The following ACADSB variants were observed in gnomAD, a reference collection of about 807,000 sequenced individuals.
ACADSB encodes short/branched chain specific acyl-CoA dehydrogenase, mitochondrial.
Under a neutral mutation model 54.1 loss-of-function variants are expected in ACADSB, and 40 were observed. The observed-to-expected ratio is 0.74, with a 90% CI of 0.57 to 0.96. ACADSB has a LOEUF of 0.96. Among genes scored for constraint, ACADSB ranks in the 40% least tolerant of loss-of-function variants. ACADSB has a pLI of 0.00. For synonymous variants in ACADSB, 182 were observed against 182.8 expected (o/e 1.00, Z 0.03); for missense variants, 530 against 510.4 (o/e 1.04, Z -0.37).
chr10:123,010,528 G>A (rs968140200), intron 1 of ACADSB, among the ~76,000 whole-genome samples: 4 of 152,212 alleles, frequency 2.6e-5, no homozygotes, highest in Non-Finnish European at 5.9e-5. Context: ...CTGTAGCTAG[G>A]CTGCTTGGAT....
intron 1 of ACADSB, among the ~76,000 whole-genome samples, chr10:123,021,053 A>G (rs950516491): frequency 2.0e-5 from 3 of 152,136 alleles, no homozygotes; most frequent in African/African-American, 4.8e-5. Flanking sequence ...TTTCCAAACA[A>G]TCTGTCTCCT....
intron 5 of ACADSB, among the ~76,000 whole-genome samples, chr10:123,042,560 A>T (rs775310592): frequency 1.0e-4 from 15 of 147,606 alleles, no homozygotes; most frequent in Non-Finnish European, 1.9e-4. Context: ...TTCTGGGTTC[A>T]AGCAATTCTC....
At position 123,053,142 on chromosome 10, in the gene ACADSB, T is replaced by G; in HGVS notation, c.1210T>G (p.Phe404Val). The G allele has an allele frequency of 6.2e-7, 1 of 1,611,338 alleles. No individual in the cohort carries two copies. The highest frequency in any genetic ancestry group is 8.5e-7 in the Non-Finnish European group (1 of 1,178,740). The change falls in exon 10 of 11, where the codon TTC becomes GTC. Residue 404 changes from phenylalanine to valine, a missense_variant. Phe to Val is a conservative substitution (Grantham distance 50). Transcript: ENST00000358776. ...YTKDYPVEKY[F>V]RDAKIGTIYE... Reference sequence around the variant, plus strand: ...CAAAGATTACCCTGTGGAGAAATACTTCCGAGATGCAAAGATTGGTAAATA... The same window carrying G: ...CAAAGATTACCCTGTGGAGAAATACGTCCGAGATGCAAAGATTGGTAAATA...
At chr10:123,034,326 C>G in intron 1 of ACADSB, 30 bp from the exon 2 acceptor site, 1 of 1,607,250 alleles carries the variant, frequency 6.2e-7, no homozygotes, top group Non-Finnish European at 8.5e-7. Context: ...ATTCAAGTAC[C>G]TTTCTTTCAT....
rs1325078435 is a variant in ACADSB at position 123,052,056 on chromosome 10, C to G, written c.1128+870C>G. ...TCCCTGGTGCTTCCTCCCATCCAGC[C>G]TCTCTCCTTTTTCAAAGTGGCAGTG... is the stretch of plus-strand genomic sequence containing the variant. On this transcript the variant is annotated intron_variant, in intron 9 of 10. Transcript: ENST00000358776. This position sits in a 1 kb window ranked among gnomAD's most constrained non-coding sequence, Gnocchi z 4.2. Among the ~76,000 whole-genome samples, 1 of 152,198 alleles carries G rather than the reference C, an allele frequency of 6.6e-6. No individual in the cohort carries two copies. Among genetic ancestry groups the G allele is most frequent in the Non-Finnish European group, 1.5e-5 (1 of 68,044 alleles).
chr10:123,022,339 C>T (rs1292451482), intron 1 of ACADSB, among the ~76,000 whole-genome samples: 1 of 152,224 alleles, frequency 6.6e-6, no homozygotes, highest in African/African-American at 2.4e-5. Flanking sequence ...AAGATTGAAC[C>T]TATGACACCA....
chr10:123,045,156 T>TAGATATATATATAG (rs1850539678), intron 7 of ACADSB, among the ~76,000 whole-genome samples: 2 of 14,104 alleles, frequency 1.4e-4, no homozygotes, highest in African/African-American at 5.8e-4. Flanking sequence ...TATATATATA[T>TAGATATATATATAG]ATATATATAT....
chr10:123,017,478 C>T (rs990795489), intron 1 of ACADSB, among the ~76,000 whole-genome samples: 6 of 152,284 alleles, frequency 3.9e-5, no homozygotes, highest in East Asian at 3.9e-4. Context: ...CCACCATGCC[C>T]GGCTAATTTT....
chr10:123,037,791 A>G lies in ACADSB; in HGVS notation c.247A>G (p.Met83Val), dbSNP rs751301851. ...ACAAATTGCACCTTTGGTTTCAACC[A>G]TGGATGAAAATTCGAAAATGGAGAA... The part of the protein sequence containing the change: ...QEQIAPLVST[M>V]DENSKMEKSV... The change falls in exon 3 of 11, where the codon ATG becomes GTG. Residue 83 changes from methionine (M) to valine (V), a missense_variant. By Grantham distance (21) the Met-to-Val change is conservative. Transcript: ENST00000358776. The G allele has an allele frequency of 5.6e-6, 9 of 1,612,594 alleles. No individual in the cohort carries two copies. Among genetic ancestry groups the G allele is most frequent in the Admixed American group, 3.3e-5 (2 of 59,976 alleles).
At chr10:123,034,766 A>G (rs1437661272) in intron 2 of ACADSB, among the ~76,000 whole-genome samples, 1 of 152,230 alleles carries the variant, frequency 6.6e-6, no homozygotes. Context: ...TGCATATCCA[A>G]TATTAAAACA....
intron 5 of ACADSB, 39 bp downstream of exon 5, chr10:123,041,418 C>T (rs781321841): frequency 6.3e-7 from 1 of 1,597,396 alleles, no homozygotes; most frequent in Non-Finnish European, 8.6e-7. Context: ...TTTCCAAACC[C>T]CTTCTTTTCT....
intron 8 of ACADSB, among the ~76,000 whole-genome samples, chr10:123,047,527 G>A (rs544390406): frequency 7.9e-5 from 12 of 152,282 alleles, no homozygotes; most frequent in Non-Finnish European, 1.3e-4. Flanking sequence ...AGGATATCTC[G>A]GTGAGCACCG....
intron 2 of ACADSB, among the ~76,000 whole-genome samples, chr10:123,036,642 C>T (rs892226854): frequency 6.6e-6 from 1 of 152,042 alleles, no homozygotes; most frequent in Non-Finnish European, 1.5e-5. Flanking sequence ...CAAAGACAGT[C>T]GAATAAAGGA....
chr10:123,011,590 G>T (rs184836296), intron 1 of ACADSB, among the ~76,000 whole-genome samples: 1 of 150,426 alleles, frequency 6.6e-6, no homozygotes, highest in Non-Finnish European at 1.5e-5. Context: ...GCTGTGGTGC[G>T]ATCTCAGTTC....
chr10:123,050,775 C>T (rs1361327573), intron 8 of ACADSB, among the ~76,000 whole-genome samples: 2 of 152,044 alleles, frequency 1.3e-5, no homozygotes, highest in Non-Finnish European at 2.9e-5. Context: ...AGTTTTTAAA[C>T]CTAACTTTGT....
intron 10 of ACADSB, 127 bp from the exon 11 acceptor site, chr10:123,053,568 A>C (rs1160526864): frequency 1.2e-6 from 1 of 828,246 alleles, no homozygotes; most frequent in African/African-American, 1.7e-5. Flanking sequence ...TACCATATTC[A>C]GGGGACATGA....
At chr10:123,024,814 T>C (rs1850229564) in intron 1 of ACADSB, among the ~76,000 whole-genome samples, 1 of 152,250 alleles carries the variant, frequency 6.6e-6, no homozygotes, top group African/African-American at 2.4e-5. Context: ...AAATACACTC[T>C]AGAGGTTTCC....
chr10:123,020,772 A>G (rs1317397054), intron 1 of ACADSB, among the ~76,000 whole-genome samples: 9 of 152,220 alleles, frequency 5.9e-5, no homozygotes, highest in African/African-American at 1.2e-4. Context: ...GTACTTTGAC[A>G]TATTTTGAAA....
intron 1 of ACADSB, among the ~76,000 whole-genome samples, chr10:123,016,251 G>A (rs931093233): frequency 2.0e-5 from 3 of 152,210 alleles, no homozygotes; most frequent in African/African-American, 7.2e-5. Context: ...CAGCAAATTG[G>A]GCAGCCCCCA....
Sources: allele counts gnomAD v4.1 joint callset (sites outside exome capture counted in the v4.1 genomes callset), GRCh38; gene constraint gnomAD v4.1.1; non-coding constraint Gnocchi (gnomAD v3.1); transcripts MANE v1.5; gene names NCBI Gene and HGNC (gene_info 2026-07-23, HGNC 2026-07-21).